The following DPP6 variants were observed in gnomAD, a reference collection of about 807,000 sequenced individuals.
DPP6 encodes the protein A-type potassium channel modulatory protein DPP6.
Under a neutral mutation model 122.6 loss-of-function variants are expected in DPP6, and 69 were observed. The observed-to-expected ratio is 0.56, with a 90% CI of 0.46 to 0.69. The LOEUF is 0.69. Among genes scored for constraint, DPP6 ranks in the 30% least tolerant of loss-of-function variants. The pLI, the probability that DPP6 is intolerant of heterozygous loss-of-function variation, is 0.00. For missense variants in DPP6, 928 were observed against 1,116.9 expected (o/e 0.83, Z 2.41); for synonymous variants, 418 against 433.1 (o/e 0.97, Z 0.43).
chr7:154,884,168 A>C (rs1197675898), intron 21 of DPP6: 1 of 147,916 alleles, frequency 6.8e-6, no homozygotes, highest in Non-Finnish European at 1.5e-5. Context: ...ACGTTTACCC[A>C]TACACATGCT....
At chr7:154,060,166 CA>C (rs1384871721) in intron 1 of DPP6, among the ~76,000 whole-genome samples, 3 of 147,866 alleles carry the variant, frequency 2.0e-5, no homozygotes, top group South Asian at 2.1e-4. Flanking sequence ...ACCCCCATCG[CA>C]GGGGGGGAGG....
intron 1 of DPP6, among the ~76,000 whole-genome samples, chr7:153,963,291 G>A (rs1180921857): frequency 1.3e-5 from 2 of 151,564 alleles, no homozygotes; most frequent in Admixed American, 1.3e-4. Flanking sequence ...CCGAGCACCT[G>A]CCACGTGCCA....
chr7:154,310,822 A>G (rs1267387371), intron 1 of DPP6, among the ~76,000 whole-genome samples: 1 of 152,204 alleles, frequency 6.6e-6, no homozygotes, highest in Non-Finnish European at 1.5e-5. Context: ...TAGAGGAATG[A>G]ACGGTCACCG....
intron 3 of DPP6, among the ~76,000 whole-genome samples, chr7:154,519,364 G>T (rs1254060399): frequency 1.3e-5 from 2 of 152,212 alleles, no homozygotes; most frequent in Non-Finnish European, 2.9e-5. Context: ...CTCACATTCT[G>T]CCTAAGGCAG....
At chr7:154,111,954 G>T (rs914816569) in intron 1 of DPP6, among the ~76,000 whole-genome samples, 3 of 152,054 alleles carry the variant, frequency 2.0e-5, no homozygotes, top group Non-Finnish European at 2.9e-5. Flanking sequence ...TTTAAATTTT[G>T]ATCAAAATTT....
intron 1 of DPP6, among the ~76,000 whole-genome samples, chr7:154,159,751 G>T (rs571947452): frequency 1.3e-5 from 2 of 152,396 alleles, no homozygotes; most frequent in South Asian, 4.1e-4. Flanking sequence ...CTTCTATACA[G>T]GTTATTCACA....
intron 14 of DPP6, among the ~76,000 whole-genome samples, 197 bp downstream of exon 14, chr7:154,804,152 G>C (rs1185587290): frequency 1.3e-5 from 2 of 152,204 alleles, no homozygotes; most frequent in African/African-American, 2.4e-5. Context: ...CAGAGCTGCG[G>C]CGTCCTGAGG....
chr7:153,782,087 C>A, the DPP6 span, among the ~76,000 whole-genome samples: 3 of 151,052 alleles, frequency 2.0e-5, no homozygotes, highest in African/African-American at 7.3e-5. Context: ...GTTTTCTCTT[C>A]AACGTCTGTG....
At chr7:153,987,901 C>A (rs767412204) in intron 1 of DPP6, among the ~76,000 whole-genome samples, 1 of 152,116 alleles carries the variant, frequency 6.6e-6, no homozygotes, top group African/African-American at 2.4e-5. Flanking sequence ...AGCATAAATA[C>A]GTGGGGTGCT....
intron 8 of DPP6, among the ~76,000 whole-genome samples, chr7:154,753,030 G>A (rs1415622144): frequency 1.3e-5 from 2 of 152,130 alleles, no homozygotes; most frequent in Non-Finnish European, 2.9e-5. Context: ...TGGCCGCAGA[G>A]GGATTAATCA....
At chr7:154,547,623 C>T (rs1288005796) in intron 4 of DPP6, among the ~76,000 whole-genome samples, 2 of 152,180 alleles carry the variant, frequency 1.3e-5, no homozygotes, top group East Asian at 1.9e-4. Context: ...TCTGCAAGAA[C>T]GTTGCACATT....
chr7:154,500,928 A>G (rs778443907), intron 3 of DPP6, among the ~76,000 whole-genome samples: 13 of 152,180 alleles, frequency 8.5e-5, no homozygotes, highest in African/African-American at 1.2e-4. Flanking sequence ...TGAATGTTGA[A>G]TGGCTTTTCC....
intron 3 of DPP6, among the ~76,000 whole-genome samples, chr7:154,508,106 C>T (rs1271594479): frequency 6.6e-6 from 1 of 152,180 alleles, no homozygotes; most frequent in Non-Finnish European, 1.5e-5. Context: ...CTATTTCCCT[C>T]TGTTCCTTCC....
At chr7:154,292,229 A>G (rs1049146303) in intron 1 of DPP6, among the ~76,000 whole-genome samples, 30 of 152,218 alleles carry the variant, frequency 2.0e-4, no homozygotes, top group African/African-American at 7.0e-4. Context: ...AACTGCGATT[A>G]GGCAAGGAAA....
rs893121029 is a variant in DPP6 at position 154,698,576 on chromosome 7, C to T, written c.762+29135C>T. ...TTAATTGCATAGCTATTTAAATCAG[C>T]ATATATTTAATTATATTCTATAGTT... On this transcript the variant is annotated intron_variant, in intron 7 of 25. Transcript: ENST00000377770. 7.9e-5 allele frequency among the ~76,000 whole-genome samples: 12 copies of T among 152,224 alleles called. No individual in the cohort carries two copies. The East Asian group carries it at 2.3e-3, about 29-fold the overall frequency.
chr7:154,751,249 G>A (rs1843365673), intron 8 of DPP6, among the ~76,000 whole-genome samples: 1 of 152,104 alleles, frequency 6.6e-6, no homozygotes, highest in Non-Finnish European at 1.5e-5. Flanking sequence ...ATCAGGTGGT[G>A]AGTGGCTTCA....
intron 1 of DPP6, among the ~76,000 whole-genome samples, chr7:154,374,662 A>T (rs1342478697): frequency 8.0e-6 from 1 of 124,858 alleles, no homozygotes; most frequent in Non-Finnish European, 1.7e-5. Flanking sequence ...CCCAGGCTGG[A>T]GTGCAATGGC....
intron 3 of DPP6, among the ~76,000 whole-genome samples, chr7:154,490,761 T>A (rs1824210445): frequency 6.6e-6 from 1 of 152,206 alleles, no homozygotes; most frequent in South Asian, 2.1e-4. Context: ...GCTTGGGAAT[T>A]GCCGAGTTCT....
At chr7:154,419,959 T>C (rs535496017) in intron 1 of DPP6, among the ~76,000 whole-genome samples, 1 of 152,228 alleles carries the variant, frequency 6.6e-6, no homozygotes, top group Admixed American at 6.5e-5. Context: ...CATTGAAATG[T>C]GGAAACAATG....
Sources: gnomAD v4.1 joint callset for allele counts (sites outside exome capture counted in the v4.1 genomes callset) on GRCh38, gnomAD v4.1.1 for gene constraint, MANE v1.5 for transcripts, NCBI Gene and HGNC (gene_info 2026-07-23, HGNC 2026-07-21) for gene names.